UBE3C: variants seen among roughly 807,000 people sequenced by gnomAD.
UBE3C encodes ubiquitin-protein ligase E3C.
In UBE3C, 42 loss-of-function variants were observed where a neutral mutation model predicts 129.4. The ratio of observed to expected loss-of-function variants is 0.32; its 90% CI spans 0.25 to 0.42. The LOEUF is 0.42. Ranked by LOEUF, UBE3C falls within the 10% of genes least tolerant of loss-of-function variation. The pLI, the probability that UBE3C is intolerant of heterozygous loss-of-function variation, is 1.00. For synonymous variants in UBE3C, 510 were observed against 492.4 expected (o/e 1.04, Z -0.47); for missense variants, 1,049 against 1,319.1 (o/e 0.80, Z 3.17).
intron 22 of UBE3C, among the ~76,000 whole-genome samples, chr7:157,259,022 C>T (rs905153408): frequency 5.3e-5 from 8 of 152,200 alleles, no homozygotes; most frequent in African/African-American, 1.4e-4. Flanking sequence ...AGTTTTGAAA[C>T]GGCCACAATT....
At chr7:157,244,885 T>TA (rs1405379686) in intron 18 of UBE3C, among the ~76,000 whole-genome samples, 1 of 152,220 alleles carries the variant, frequency 6.6e-6, no homozygotes, top group African/African-American at 2.4e-5. Flanking sequence ...TAGTTATTGA[T>TA]ATGCTTCTAG....
intron 9 of UBE3C, among the ~76,000 whole-genome samples, chr7:157,185,963 C>CAT (rs965644713): frequency 9.9e-5 from 15 of 151,564 alleles, no homozygotes; most frequent in African/African-American, 1.9e-4. Context: ...TATTCACATT[C>CAT]ATATATATAT....
In UBE3C at chr7:157,175,046, T is replaced by C. The variant is rs201353044; in HGVS notation, c.458+12T>C. 1 of 1,602,284 alleles carries C rather than the reference T, an allele frequency of 6.2e-7. No homozygotes were observed. The highest frequency in any genetic ancestry group is 8.5e-7 in the Non-Finnish European group (1 of 1,172,328). Reference sequence around the variant, plus strand: ...AGCCTCTGTTGCAGGTAAAATTCTATTGTAAGTCAGTAACGTATATAATGT... The same window carrying C: ...AGCCTCTGTTGCAGGTAAAATTCTACTGTAAGTCAGTAACGTATATAATGT... On this transcript the variant is annotated intron_variant, in intron 5 of 22. Coordinates refer to ENST00000348165, the MANE Select transcript of UBE3C (RefSeq NM_014671.3).
chr7:157,179,581 T>C (rs1045951054), intron 6 of UBE3C, among the ~76,000 whole-genome samples: 1 of 152,126 alleles, frequency 6.6e-6, no homozygotes, highest in Admixed American at 6.6e-5. Context: ...TCCTCATAGG[T>C]AGAAACCCAA....
At chr7:157,181,985 A>G in intron 7 of UBE3C, 123 bp from the exon 8 acceptor site, 1 of 1,059,526 alleles carries the variant, frequency 9.4e-7, no homozygotes, top group East Asian at 2.6e-5. Context: ...AAAATGGTTA[A>G]CTTGGCTAAT....
chr7:157,247,822 C>T (rs532503582), intron 18 of UBE3C, among the ~76,000 whole-genome samples: 1 of 152,154 alleles, frequency 6.6e-6, no homozygotes, highest in African/African-American at 2.4e-5. Flanking sequence ...GGCAGAGTGG[C>T]ATATGCGGTT....
chr7:157,187,662 GC>G (rs373200702), intron 10 of UBE3C, among the ~76,000 whole-genome samples: 1,950 of 151,434 alleles, frequency 0.013, 36 homozygotes, highest in African/African-American at 0.045. Context: ...TGTAGGCTCT[GC>G]CCCCCTGGGT....
intron 10 of UBE3C, among the ~76,000 whole-genome samples, chr7:157,201,337 A>G (rs1373835030): frequency 6.6e-6 from 1 of 152,140 alleles, no homozygotes; most frequent in Non-Finnish European, 1.5e-5. Flanking sequence ...AAAAATAAAA[A>G]GAAAAGTATA....
At chr7:157,257,371 A>G (rs561554522) in intron 22 of UBE3C, among the ~76,000 whole-genome samples, 1 of 152,208 alleles carries the variant, frequency 6.6e-6, no homozygotes, top group Non-Finnish European at 1.5e-5. Context: ...GCTTTTTGCT[A>G]CTGAACTGAA....
rs774136541 is a variant in UBE3C, at chr7:157,207,414, C to G, written c.1435C>G (p.Leu479Val). Residue 479 changes from leucine (L) to valine (V), a missense_variant, in exon 12 of 23, where the codon CTT (leucine) becomes GTT (valine). Physicochemically the swap from Leu to Val is conservative, Grantham distance 32. Around this residue, in one of 4 missense-constraint regions of UBE3C, gnomAD observed 314 missense variants for 416.9 expected, o/e 0.75. Coordinates refer to ENST00000348165, the MANE Select transcript of UBE3C (RefSeq NM_014671.3). The part of the protein sequence containing the change: ...RMITGSMVPL[L>V]QVISRGSPMS... ...TAATTCAAGGTCTATGGTACCGTTGCTTCAGGTGATATCCAGGGGTTCTCC... is the reference window on the plus strand; with the variant it reads ...TAATTCAAGGTCTATGGTACCGTTGGTTCAGGTGATATCCAGGGGTTCTCC... 1 of 1,612,788 alleles carries G rather than the reference C, an allele frequency of 6.2e-7. No individual in the cohort carries two copies. The highest frequency in any genetic ancestry group is 2.2e-5 in the East Asian group (1 of 44,864).
intron 3 of UBE3C, among the ~76,000 whole-genome samples, chr7:157,170,024 T>G: frequency 6.6e-6 from 1 of 151,980 alleles, no homozygotes; most frequent in East Asian, 1.9e-4. Flanking sequence ...TTCGCCATGT[T>G]GGGCAGGCTG....
intron 22 of UBE3C, among the ~76,000 whole-genome samples, chr7:157,260,438 A>G (rs1369071457): frequency 3.3e-5 from 5 of 152,184 alleles, no homozygotes; most frequent in Admixed American, 2.6e-4. Flanking sequence ...CCATGTGACC[A>G]GATAGGAGAA....
At chr7:157,209,341 A>G (rs750650760) in intron 13 of UBE3C, among the ~76,000 whole-genome samples, 1 of 152,232 alleles carries the variant, frequency 6.6e-6, no homozygotes, top group African/African-American at 2.4e-5. Flanking sequence ...GCATCGTTGA[A>G]TTTATAATTT....
chr7:157,176,323 G>A (rs1219472150), intron 5 of UBE3C, among the ~76,000 whole-genome samples: 1 of 152,148 alleles, frequency 6.6e-6, no homozygotes, highest in African/African-American at 2.4e-5. Context: ...CACCCAGGCT[G>A]GAATGCAGTG....
intron 4 of UBE3C, 90 bp from the exon 5 acceptor site, chr7:157,174,829 T>G: frequency 1.1e-6 from 1 of 869,712 alleles, no homozygotes; most frequent in Non-Finnish European, 1.7e-6. Context: ...AAATGTGCAT[T>G]GCCACTAAAG....
In UBE3C at chr7:157,207,759, T is replaced by A. The variant is rs776121867; in HGVS notation, c.1633T>A (p.Leu545Met). ...TTTTACTTTAGAAGAGCTGATAATG[T>A]TGTCTCGATGCCTTCGAGATGCATG... ...MPFTLEELIM[L>M]SRCLRDACLG... Residue 545 changes from leucine (L) to methionine (M), a missense_variant, in exon 13 of 23, where the codon TTG (leucine) becomes ATG (methionine). This residue lies in a region of UBE3C where 314 missense variants were observed against 416.9 expected (regional missense o/e 0.75). Coordinates refer to ENST00000348165, the MANE Select transcript of UBE3C (RefSeq NM_014671.3). 6.2e-7 allele frequency: 1 copy of A among 1,614,206 alleles called. No individual in the cohort carries two copies. The highest frequency in any genetic ancestry group is 8.5e-7 in the Non-Finnish European group (1 of 1,180,028).
intron 21 of UBE3C, among the ~76,000 whole-genome samples, chr7:157,255,689 A>C (rs1796734167): frequency 6.6e-6 from 1 of 152,214 alleles, no homozygotes; most frequent in Non-Finnish European, 1.5e-5. Context: ...GGTGCCAATT[A>C]ATGCACTTAA....
chr7:157,179,395 T>C (rs1808610293), intron 6 of UBE3C, among the ~76,000 whole-genome samples: 1 of 152,170 alleles, frequency 6.6e-6, no homozygotes, highest in Admixed American at 6.5e-5. Context: ...TTTTAATACA[T>C]TGATAATGCT....
At chr7:157,214,235 A>G (rs1040712058) in intron 13 of UBE3C, among the ~76,000 whole-genome samples, 1 of 152,120 alleles carries the variant, frequency 6.6e-6, no homozygotes, top group Admixed American at 6.5e-5. Flanking sequence ...CTATATTGAA[A>G]TTTTTTTAAC....
Sources: gnomAD v4.1 joint callset for allele counts (sites outside exome capture counted in the v4.1 genomes callset) on GRCh38, gnomAD v4.1.1 for gene constraint, gnomAD v4.1.1 regional missense constraint, MANE v1.5 for transcripts, NCBI Gene and HGNC (gene_info 2026-07-23, HGNC 2026-07-21) for gene names.